GHR: variants seen among roughly 807,000 people sequenced by gnomAD.
GHR encodes growth hormone receptor, also known as GH receptor.
In GHR, 35 loss-of-function variants were observed where a neutral mutation model predicts 67.1. That is an observed-to-expected ratio of 0.52 (90% CI 0.40 to 0.69). The LOEUF (loss-of-function observed/expected upper bound fraction) is 0.69. Among genes scored for constraint, GHR ranks in the 30% least tolerant of loss-of-function variants. GHR has a pLI of 0.00. For synonymous variants in GHR, 272 were observed against 269.1 expected (o/e 1.01, Z -0.10); for missense variants, 792 against 764.6 (o/e 1.04, Z -0.42).
At chr5:42,600,918 CTTTTTTTT>C (rs933355797) in intron 2 of GHR, among the ~76,000 whole-genome samples, 4 of 66,692 alleles carry the variant, frequency 6.0e-5, no homozygotes, top group East Asian at 9.4e-4. Context: ...TCTTTCTATT[CTTTTTTTT>C]TTTTTTTTTT....
At chr5:42,474,299 A>AAGAAAGAAAGAAAGAAAG (rs1561325490) in intron 1 of GHR, among the ~76,000 whole-genome samples, 1 of 139,432 alleles carries the variant, frequency 7.2e-6, no homozygotes, top group African/African-American at 2.7e-5. Flanking sequence ...GAGAAAGAGA[A>AAGAAAGAAAGAAAGAAAG]AGAAAGAAAG....
At chr5:42,610,142 A>G (rs1331477086) in intron 2 of GHR, among the ~76,000 whole-genome samples, 3 of 152,192 alleles carry the variant, frequency 2.0e-5, no homozygotes, top group Admixed American at 6.5e-5. Context: ...TCACAAGAAT[A>G]TACAGGAATG....
At chr5:42,500,404 T>C in intron 1 of GHR, among the ~76,000 whole-genome samples, 1 of 152,262 alleles carries the variant, frequency 6.6e-6, no homozygotes. Flanking sequence ...AATGACTCAG[T>C]ATTTCTTGGC....
At chr5:42,562,149 A>G (rs1238137674) in intron 1 of GHR, among the ~76,000 whole-genome samples, 1 of 152,188 alleles carries the variant, frequency 6.6e-6, no homozygotes, top group Non-Finnish European at 1.5e-5. Flanking sequence ...GCTAGAATCT[A>G]ATAGAGAAGG....
intron 2 of GHR, among the ~76,000 whole-genome samples, chr5:42,584,211 T>A (rs6887566): frequency 0.036 from 5,556 of 152,292 alleles, 345 homozygotes; most frequent in African/African-American, 0.13. Context: ...AAATAATAAC[T>A]TGCATGGTAA....
intron 1 of GHR, among the ~76,000 whole-genome samples, chr5:42,555,586 T>C (rs764375512): frequency 2.0e-5 from 3 of 152,282 alleles, no homozygotes; most frequent in African/African-American, 7.2e-5. Flanking sequence ...GGAGATTTAC[T>C]TAACCTCTCT....
chr5:42,513,473 T>G (rs1373244345), intron 1 of GHR, among the ~76,000 whole-genome samples: 1 of 152,172 alleles, frequency 6.6e-6, no homozygotes, highest in Non-Finnish European at 1.5e-5. Flanking sequence ...ACATTGGTTA[T>G]TTCTTAGCAG....
At chr5:42,509,118 A>G (rs1746903786) in intron 1 of GHR, among the ~76,000 whole-genome samples, 1 of 152,212 alleles carries the variant, frequency 6.6e-6, no homozygotes, top group Admixed American at 6.5e-5. Context: ...ATTATTTTGT[A>G]CTTCTCTTGC....
At chr5:42,474,636 G>T (rs140675852) in intron 1 of GHR, among the ~76,000 whole-genome samples, 1 of 152,140 alleles carries the variant, frequency 6.6e-6, no homozygotes, top group African/African-American at 2.4e-5. Context: ...ACAAAAAAAG[G>T]CAGGGAACTT....
chr5:42,637,613 G>A (rs1399990999), intron 3 of GHR, among the ~76,000 whole-genome samples: 1 of 152,134 alleles, frequency 6.6e-6, no homozygotes. Context: ...ATACATCCAT[G>A]TTGCTGCAAA....
At chr5:42,687,760 G>C (rs1757230705) in intron 3 of GHR, among the ~76,000 whole-genome samples, 1 of 152,258 alleles carries the variant, frequency 6.6e-6, no homozygotes, top group South Asian at 2.1e-4. Context: ...GATACTTTAA[G>C]ATTGAGAGCC....
chr5:42,528,345 A>T (rs1327806874), intron 1 of GHR, among the ~76,000 whole-genome samples: 1 of 152,178 alleles, frequency 6.6e-6, no homozygotes, highest in Non-Finnish European at 1.5e-5. Context: ...GTTTAGAAGA[A>T]GTTGATTCCA....
At chr5:42,702,498 A>G (rs190348378) in intron 6 of GHR, among the ~76,000 whole-genome samples, 2 of 152,188 alleles carry the variant, frequency 1.3e-5, no homozygotes, top group Admixed American at 6.5e-5. Flanking sequence ...AGTAATGAAC[A>G]TGGGAGCCCA....
At chr5:42,543,541 A>G (rs1748607877) in intron 1 of GHR, among the ~76,000 whole-genome samples, 1 of 152,118 alleles carries the variant, frequency 6.6e-6, no homozygotes, top group Non-Finnish European at 1.5e-5. Context: ...TAATACTTTT[A>G]AAGTTTATTT....
At chr5:42,532,455 C>T (rs1471482638) in intron 1 of GHR, among the ~76,000 whole-genome samples, 1 of 152,098 alleles carries the variant, frequency 6.6e-6, no homozygotes, top group Non-Finnish European at 1.5e-5. Context: ...CAAATGTAAA[C>T]ATTTTCCCCA....
At chr5:42,525,216 G>C (rs1747655900) in intron 1 of GHR, among the ~76,000 whole-genome samples, 1 of 152,194 alleles carries the variant, frequency 6.6e-6, no homozygotes, top group African/African-American at 2.4e-5. Flanking sequence ...ACAGGAGGGA[G>C]ACTGTACTCT....
At chr5:42,486,564 T>G (rs142923740) in intron 1 of GHR, among the ~76,000 whole-genome samples, 136 of 152,286 alleles carry the variant, frequency 8.9e-4, no homozygotes, top group African/African-American at 3.1e-3. Flanking sequence ...GAAACCAAGT[T>G]TGGCCGGGCA....
At position 42,471,512 on chromosome 5, in the gene GHR, T is replaced by C. The variant is rs75256272; in HGVS notation, c.-12+47557T>C. ...CTAAACATTATGCTCTCAGAGCATG[T>C]GGATAGGTAGCATAGCCTAGTGGTT... On this transcript the variant is annotated intron_variant, in intron 1 of 9. Coordinates refer to ENST00000230882, the MANE Select transcript of GHR (RefSeq NM_000163.5). 3.7e-3 allele frequency among the ~76,000 whole-genome samples: 564 copies of C among 152,344 alleles called. 2 individuals carry two copies. The highest frequency in any genetic ancestry group is 0.013 in the African/African-American group (533 of 41,584).
At chr5:42,632,316 C>G (rs927287584) in intron 3 of GHR, among the ~76,000 whole-genome samples, 1 of 152,138 alleles carries the variant, frequency 6.6e-6, no homozygotes, top group African/African-American at 2.4e-5. Flanking sequence ...AAGTTTCAGT[C>G]AAAACCTGAT....
Sources: allele counts gnomAD v4.1 joint callset (sites outside exome capture counted in the v4.1 genomes callset), GRCh38; gene constraint gnomAD v4.1.1; transcripts MANE v1.5; gene names NCBI Gene and HGNC (gene_info 2026-07-23, HGNC 2026-07-21).